Variants in DIAPH2 observed in about 807,000 individuals in gnomAD.
The protein encoded by DIAPH2 is diaphanous related formin 2.
A neutral mutation model predicts 92.7 loss-of-function variants in DIAPH2; 35 were observed. The ratio of observed to expected loss-of-function variants is 0.38; its 90% CI spans 0.29 to 0.50. DIAPH2 has a LOEUF of 0.50. DIAPH2 is among the 20% of genes least tolerant of loss of function. The pLI is 0.94. For missense variants in DIAPH2, 701 were observed against 819.5 expected, an observed-to-expected ratio of 0.86 and a Z score of 1.77; for synonymous variants, 301 against 280.4, an observed-to-expected ratio of 1.07 and a Z score of -0.73.
At chrX:97,391,757 C>A (rs1343172475) in intron 25 of DIAPH2, among the ~76,000 whole-genome samples, 1 of 110,392 alleles carries the variant, frequency 9.1e-6, no homozygotes, top group Non-Finnish European at 1.9e-5. Context: ...AAATTATATA[C>A]ATTCATCAAG....
chrX:96,856,355 C>T lies in DIAPH2; in HGVS notation c.448-25224C>T, dbSNP rs1297793146. Among the ~76,000 whole-genome samples the T allele has an allele frequency of 5.4e-5, 6 of 110,441 alleles. No homozygotes were observed. The East Asian group carries it at 1.7e-3, about 31-fold the overall frequency. On this transcript the variant is annotated intron_variant, in intron 4 of 26. Coordinates refer to ENST00000324765, the MANE Select transcript of DIAPH2 (RefSeq NM_006729.5). ...ATAAAAGGTGTTTTATTAGCTGCTTCCAGACACCCCAGTTCTCACAAGGTT... is the reference window on the plus strand; with the variant it reads ...ATAAAAGGTGTTTTATTAGCTGCTTTCAGACACCCCAGTTCTCACAAGGTT...
intron 22 of DIAPH2, among the ~76,000 whole-genome samples, chrX:97,162,109 A>G (rs936849663): frequency 2.7e-5 from 3 of 110,915 alleles, no homozygotes; most frequent in Non-Finnish European, 5.7e-5. Context: ...AATATTATCA[A>G]TTTCTTGAGA....
chrX:97,074,912 A>G (rs1333876558), intron 18 of DIAPH2, among the ~76,000 whole-genome samples: 1 of 112,027 alleles, frequency 8.9e-6, no homozygotes, highest in Non-Finnish European at 1.9e-5. Context: ...GTAGTCATGA[A>G]TGCTATTAGT....
intron 17 of DIAPH2, among the ~76,000 whole-genome samples, chrX:96,977,535 T>C (rs1602683035): frequency 8.9e-6 from 1 of 111,895 alleles, no homozygotes; most frequent in South Asian, 3.7e-4. Flanking sequence ...CTTTTAGCTA[T>C]GAGTTAATGA....
At chrX:97,268,560 A>T (rs1432726227) in intron 23 of DIAPH2, among the ~76,000 whole-genome samples, 1 of 112,328 alleles carries the variant, frequency 8.9e-6, no homozygotes, top group Admixed American at 9.5e-5. Flanking sequence ...GGTGTGGTCT[A>T]TTGGGAAAGA....
intron 22 of DIAPH2, among the ~76,000 whole-genome samples, chrX:97,241,566 G>A (rs1188968931): frequency 9.0e-6 from 1 of 110,917 alleles, no homozygotes; most frequent in East Asian, 2.9e-4. Flanking sequence ...CCAAAGTGCT[G>A]GGATTACAGG....
intron 22 of DIAPH2, among the ~76,000 whole-genome samples, chrX:97,161,140 G>C (rs375175611): frequency 9.8e-6 from 1 of 101,564 alleles, no homozygotes; most frequent in East Asian, 3.2e-4. Flanking sequence ...ATTTAATACA[G>C]AATTCCATGA....
At chrX:96,743,263 T>C (rs1304996155) in intron 3 of DIAPH2, among the ~76,000 whole-genome samples, 1 of 111,722 alleles carries the variant, frequency 9.0e-6, no homozygotes, top group Non-Finnish European at 1.9e-5. Context: ...ATAATTTTAT[T>C]TGATGGATCT....
chrX:96,732,946 G>A (rs919173324), intron 1 of DIAPH2, among the ~76,000 whole-genome samples: 2 of 112,117 alleles, frequency 1.8e-5, no homozygotes, highest in African/African-American at 6.5e-5. Context: ...AAGAGAAGAA[G>A]TAGAAGATAG....
chrX:96,966,396 A>G (rs1406356511), intron 17 of DIAPH2, among the ~76,000 whole-genome samples: 1 of 112,346 alleles, frequency 8.9e-6, no homozygotes, highest in African/African-American at 3.2e-5. Flanking sequence ...TTATTCATAT[A>G]GTAAAATAAG....
intron 4 of DIAPH2, among the ~76,000 whole-genome samples, chrX:96,787,865 CT>C (rs200553222): frequency 0.17 from 16,672 of 97,888 alleles, 1,259 homozygotes; most frequent in East Asian, 0.33. Context: ...TAATTTTTTT[CT>C]TTTTTTTTTT....
intron 26 of DIAPH2, among the ~76,000 whole-genome samples, chrX:97,436,523 AG>A: frequency 8.9e-6 from 1 of 112,188 alleles, no homozygotes; most frequent in Non-Finnish European, 1.9e-5. Context: ...GAGAACAGAT[AG>A]GGGACAAGAA....
intron 4 of DIAPH2, among the ~76,000 whole-genome samples, chrX:96,832,173 G>A (rs748009567): frequency 3.6e-5 from 4 of 111,550 alleles, no homozygotes; most frequent in Non-Finnish European, 7.5e-5. Flanking sequence ...AAAATGTATG[G>A]AACAATCTGC....
chrX:97,450,855 C>A (rs971903865), intron 26 of DIAPH2, among the ~76,000 whole-genome samples: 13 of 105,890 alleles, frequency 1.2e-4, no homozygotes, highest in Admixed American at 6.4e-4. Flanking sequence ...CTTTAAGTCA[C>A]AGGATAAGCC....
At chrX:96,908,238 A>C (rs941548987) in intron 5 of DIAPH2, among the ~76,000 whole-genome samples, 11 of 111,853 alleles carry the variant, frequency 9.8e-5, no homozygotes, top group African/African-American at 3.6e-4. Context: ...TACTATATAT[A>C]AATCATACCT....
intron 19 of DIAPH2, among the ~76,000 whole-genome samples, chrX:97,082,568 G>T (rs2066754722): frequency 9.0e-6 from 1 of 110,617 alleles, no homozygotes; most frequent in African/African-American, 3.3e-5. Flanking sequence ...GGAGGTGGAG[G>T]TTGCAGTGAG....
intron 4 of DIAPH2, among the ~76,000 whole-genome samples, chrX:96,833,493 G>A (rs2064868600): frequency 9.1e-6 from 1 of 110,186 alleles, no homozygotes; most frequent in African/African-American, 3.3e-5. Context: ...ATTTTACATA[G>A]GAATGCAAAC....
At chrX:97,119,861 C>T (rs762474380) in intron 21 of DIAPH2, among the ~76,000 whole-genome samples, 135 of 111,793 alleles carry the variant, frequency 1.2e-3, no homozygotes, top group African/African-American at 4.0e-3. Flanking sequence ...CCAGCTCCCA[C>T]GCAATCCAAA....
chrX:97,274,006 G>GGTGT lies in DIAPH2; in HGVS notation c.2844+26212_2844+26215dup, dbSNP rs55778849. On this transcript the variant is annotated intron_variant, in intron 23 of 26. Transcript: ENST00000324765. ...AACTTTAACAGCAAATAAAACTAGC[G>GGTGT]GTGTGTGTGTGTGTGTGTGTGTGTG... 9.9e-3 allele frequency among the ~76,000 whole-genome samples: 859 copies of GGTGT among 86,714 alleles called. 8 individuals are homozygous for GGTGT. Among genetic ancestry groups the GGTGT allele is most frequent in the African/African-American group, 0.023 (537 of 23,287 alleles). The allele number at this position is 86,714 out of a possible 115,157, so 75.3% of individuals were successfully genotyped here.
Sources: allele counts gnomAD v4.1 joint callset (sites outside exome capture counted in the v4.1 genomes callset), GRCh38; gene constraint gnomAD v4.1.1; transcripts MANE v1.5; gene names NCBI Gene and HGNC (gene_info 2026-07-23, HGNC 2026-07-21).